KCNIP1: variants seen among roughly 807,000 people sequenced by gnomAD.
The protein encoded by KCNIP1 is potassium voltage-gated channel interacting protein 1.
KCNIP1 carries 18 observed loss-of-function variants against 33.0 expected under a neutral mutation model. That is an observed-to-expected ratio of 0.55 (90% CI 0.38 to 0.81). The LOEUF (loss-of-function observed/expected upper bound fraction) is 0.81, where lower values mean the gene tolerates loss of function less well. Ranked by LOEUF, KCNIP1 falls within the 30% of genes least tolerant of loss-of-function variation. The pLI, the probability that KCNIP1 is intolerant of heterozygous loss-of-function variation, is 0.00. For synonymous variants in KCNIP1, 93 were observed against 98.3 expected (o/e 0.95, Z 0.32); for missense variants, 238 against 271.6 (o/e 0.88, Z 0.87).
At chr5:170,689,358 G>A (rs966610610) in intron 1 of KCNIP1, among the ~76,000 whole-genome samples, 3 of 152,198 alleles carry the variant, frequency 2.0e-5, no homozygotes, top group African/African-American at 7.2e-5. Context: ...TCTGTGTTCA[G>A]CCTGCACAAA....
intron 1 of KCNIP1, among the ~76,000 whole-genome samples, chr5:170,386,740 A>G (rs1270777006): frequency 6.6e-6 from 1 of 151,764 alleles, no homozygotes; most frequent in Non-Finnish European, 1.5e-5. Flanking sequence ...AAGAAGAAAG[A>G]AGGCATCATG....
chr5:170,461,652 A>G (rs1756502977), intron 1 of KCNIP1, among the ~76,000 whole-genome samples: 1 of 151,950 alleles, frequency 6.6e-6, no homozygotes, highest in African/African-American at 2.4e-5. Context: ...CGGGAGGCTG[A>G]GGCAGGAGAA....
intron 1 of KCNIP1, among the ~76,000 whole-genome samples, chr5:170,472,870 C>T (rs369008221): frequency 4.6e-5 from 7 of 152,116 alleles, no homozygotes; most frequent in Non-Finnish European, 8.8e-5. Context: ...TTTGCAATTG[C>T]GAATTGTGCT....
At chr5:170,501,398 G>A (rs1757409848), upstream of KCNIP1, among the ~76,000 whole-genome samples, 1 of 152,132 alleles carries the variant, frequency 6.6e-6, no homozygotes, top group South Asian at 2.1e-4. Flanking sequence ...AACACCAGGG[G>A]TCAGGGAGGA....
intron 1 of KCNIP1, among the ~76,000 whole-genome samples, chr5:170,443,128 C>A (rs1756030928): frequency 6.6e-6 from 1 of 152,162 alleles, no homozygotes; most frequent in Non-Finnish European, 1.5e-5. Flanking sequence ...ATGGTAGGCA[C>A]CCCTCTTGTC....
At chr5:170,390,865 T>C (rs2113363169) in intron 1 of KCNIP1, among the ~76,000 whole-genome samples, 1 of 151,928 alleles carries the variant, frequency 6.6e-6, no homozygotes, top group East Asian at 1.9e-4. Flanking sequence ...GGGAGGTGGG[T>C]GCAGCCTGGC....
intron 1 of KCNIP1, among the ~76,000 whole-genome samples, chr5:170,585,197 T>A (rs890336700): frequency 6.6e-6 from 1 of 152,102 alleles, no homozygotes; most frequent in Non-Finnish European, 1.5e-5. Flanking sequence ...CTCTTAACGA[T>A]ATAGCTCTGG....
chr5:170,382,396 A>G (rs1457852275), intron 1 of KCNIP1, among the ~76,000 whole-genome samples: 1 of 152,068 alleles, frequency 6.6e-6, no homozygotes, highest in Non-Finnish European at 1.5e-5. Flanking sequence ...TGAGACATAC[A>G]CACTCACATT....
chr5:170,426,786 C>A (rs1420814556), intron 1 of KCNIP1, among the ~76,000 whole-genome samples: 5 of 152,254 alleles, frequency 3.3e-5, no homozygotes, highest in Non-Finnish European at 7.3e-5. Flanking sequence ...CTGCTTCCAC[C>A]CAACTCCCAA....
chr5:170,438,675 C>A (rs1243493534), intron 1 of KCNIP1, among the ~76,000 whole-genome samples: 1 of 152,074 alleles, frequency 6.6e-6, no homozygotes, highest in Non-Finnish European at 1.5e-5. Flanking sequence ...GAGGGCTACA[C>A]GAAGCTCTAA....
chr5:170,716,881 AAC>A (rs1238781515), intron 1 of KCNIP1, among the ~76,000 whole-genome samples: 7 of 152,222 alleles, frequency 4.6e-5, no homozygotes, highest in African/African-American at 7.2e-5. Context: ...AGATAAATCT[AAC>A]AGTGTACTGG....
chr5:170,606,347 T>C (rs1328058990), intron 1 of KCNIP1, among the ~76,000 whole-genome samples: 1 of 152,184 alleles, frequency 6.6e-6, no homozygotes, highest in Non-Finnish European at 1.5e-5. Flanking sequence ...AGCTGCACCA[T>C]TGTACGATCC....
chr5:170,715,337 CTGT>C lies in KCNIP1; in HGVS notation c.62-3416_62-3414del, dbSNP rs574613861. On this transcript the variant is annotated intron_variant, in intron 1 of 7. Transcript: ENST00000328939. ...ACAACACATTTCTCAGAGCGTATCC[CTGT>C]TGTTAAGCGACACATGACTGAATAA... Among the ~76,000 whole-genome samples the C allele has an allele frequency of 5.2e-3, 791 of 152,306 alleles. 1 individual carries two copies. The highest frequency in any genetic ancestry group is 7.8e-3 in the Non-Finnish European group (532 of 68,030).
chr5:170,695,883 G>A (rs1762873623), intron 1 of KCNIP1, among the ~76,000 whole-genome samples: 1 of 152,106 alleles, frequency 6.6e-6, no homozygotes. Context: ...GCCAGGTGTG[G>A]TGGCATGCGC....
chr5:170,474,002 G>T (rs995104086), intron 1 of KCNIP1, among the ~76,000 whole-genome samples: 1 of 152,200 alleles, frequency 6.6e-6, no homozygotes, highest in African/African-American at 2.4e-5. Flanking sequence ...AAATATGACT[G>T]TAGGCGACCA....
intron 3 of KCNIP1, among the ~76,000 whole-genome samples, 175 bp downstream of exon 3, chr5:170,720,565 G>A (rs368606742): frequency 6.6e-6 from 1 of 152,216 alleles, no homozygotes; most frequent in South Asian, 2.1e-4. Flanking sequence ...TAGCAGGAAA[G>A]AACTCTGAAA....
chr5:170,431,290 G>A (rs1050438595), intron 1 of KCNIP1, among the ~76,000 whole-genome samples: 6 of 152,178 alleles, frequency 3.9e-5, no homozygotes, highest in Non-Finnish European at 5.9e-5. Context: ...GTGAGGAGTC[G>A]GCACGAATCC....
chr5:170,586,211 C>T lies in KCNIP1; in HGVS notation c.61+81578C>T, dbSNP rs544988323. ...AATAAACGATGGCTATTATGATCAT[C>T]GATTGCTCTCTGTCACCTGTGTATC... On this transcript the variant is annotated intron_variant, in intron 1 of 7. Coordinates refer to ENST00000328939, the MANE Select transcript of KCNIP1 (RefSeq NM_014592.4). Among the ~76,000 whole-genome samples, 11 of 152,310 alleles carry T rather than the reference C, an allele frequency of 7.2e-5. No individual in the cohort carries two copies. In the South Asian group the frequency reaches 2.1e-3, roughly 29 times the overall value.
At chr5:170,624,733 G>GGTGGGGT (rs1554105632) in intron 1 of KCNIP1, among the ~76,000 whole-genome samples, 2 of 67,524 alleles carry the variant, frequency 3.0e-5, no homozygotes, top group African/African-American at 6.1e-5. Flanking sequence ...CCGGGGAGGT[G>GGTGGGGT]GGGGGGGAGA....
Sources: gnomAD v4.1 joint callset for allele counts (sites outside exome capture counted in the v4.1 genomes callset) on GRCh38, gnomAD v4.1.1 for gene constraint, MANE v1.5 for transcripts, NCBI Gene and HGNC (gene_info 2026-07-23, HGNC 2026-07-21) for gene names.